The following PKHD1L1 variants were observed in gnomAD, a reference collection of about 807,000 sequenced individuals.
The protein encoded by PKHD1L1 is PKHD1 like 1.
A neutral mutation model predicts 462.9 loss-of-function variants in PKHD1L1; 434 were observed. That is an observed-to-expected ratio of 0.94 (90% CI 0.87 to 1.02). The LOEUF (loss-of-function observed/expected upper bound fraction) is 1.02, where lower values mean the gene tolerates loss of function less well. Among genes scored for constraint, PKHD1L1 ranks in the 50% least tolerant of loss-of-function variants. The probability of loss-of-function intolerance (pLI) is 0.00; values close to 1 mark genes in which losing one functional copy is unlikely to be tolerated. For synonymous variants in PKHD1L1, 1,781 were observed against 1,750.0 expected (o/e 1.02, Z -0.44); for missense variants, 5,202 against 5,096.1 (o/e 1.02, Z -0.63).
rs534041176 is a variant in PKHD1L1 at position 109,425,247 on chromosome 8, T to A, written c.2845+15T>A. On this transcript the variant is annotated intron_variant, in intron 24 of 77. Coordinates refer to ENST00000378402, the MANE Select transcript of PKHD1L1 (RefSeq NM_177531.6). ...TATTCTTAAAGGTATATGAAAAAAATTTAAAATATTGGTGTATACGCACAC... is the reference window on the plus strand; with the variant it reads ...TATTCTTAAAGGTATATGAAAAAAAATTAAAATATTGGTGTATACGCACAC... 7.7e-6 allele frequency: 12 copies of A among 1,559,352 alleles called. No individual in the cohort carries two copies. The highest frequency in any genetic ancestry group is 5.5e-5 in the African/African-American group (4 of 72,122).
At chr8:109,437,845 A>G (rs547225432) in intron 30 of PKHD1L1, among the ~76,000 whole-genome samples, 3 of 152,274 alleles carry the variant, frequency 2.0e-5, no homozygotes, top group Non-Finnish European at 2.9e-5. Context: ...CATGGATACT[A>G]TATCTGCAAA....
At chr8:109,386,785 C>T (rs908934385) in intron 6 of PKHD1L1, among the ~76,000 whole-genome samples, 2 of 152,070 alleles carry the variant, frequency 1.3e-5, no homozygotes, top group Admixed American at 6.6e-5. Flanking sequence ...GTCATCCGTT[C>T]CCATAATGAA....
intron 59 of PKHD1L1, among the ~76,000 whole-genome samples, chr8:109,487,957 G>A (rs1183349839): frequency 1.3e-5 from 2 of 151,612 alleles, no homozygotes; most frequent in Admixed American, 6.6e-5. Context: ...AGGAAGGAAG[G>A]AAGGAAGGGA....
At chr8:109,367,660 A>T (rs1046710789) in intron 2 of PKHD1L1, among the ~76,000 whole-genome samples, 1 of 152,252 alleles carries the variant, frequency 6.6e-6, no homozygotes, top group African/African-American at 2.4e-5. Flanking sequence ...AGGCAGAAGG[A>T]TCACTTGAGG....
chr8:109,505,828 C>A (rs1819659848), intron 68 of PKHD1L1, among the ~76,000 whole-genome samples: 1 of 152,114 alleles, frequency 6.6e-6, no homozygotes. Flanking sequence ...TTGCTTGAGC[C>A]CAGGAGGTTG....
chr8:109,494,287 T>A (rs1444412204), intron 63 of PKHD1L1, among the ~76,000 whole-genome samples: 2 of 151,568 alleles, frequency 1.3e-5, no homozygotes, highest in African/African-American at 4.8e-5. Flanking sequence ...TACACCTTGC[T>A]GGTTGAAGGA....
At chr8:109,443,163 T>C in intron 36 of PKHD1L1, 47 bp downstream of exon 36, 2 of 1,565,698 alleles carry the variant, frequency 1.3e-6, no homozygotes, top group Non-Finnish European at 1.8e-6. Context: ...TGACCCAGGG[T>C]GTATGTGATA....
chr8:109,482,892 C>A (rs1403690809), intron 56 of PKHD1L1, 95 bp from the exon 57 acceptor site: 2 of 722,880 alleles, frequency 2.8e-6, no homozygotes, highest in African/African-American at 1.9e-5. Flanking sequence ...TGTTTAATCA[C>A]ATAATAAAAT....
intron 14 of PKHD1L1, among the ~76,000 whole-genome samples, chr8:109,403,132 C>T (rs1269900485): frequency 6.6e-6 from 1 of 152,146 alleles, no homozygotes; most frequent in Admixed American, 6.6e-5. Context: ...AATACATCTG[C>T]TGCCTGGTAT....
chr8:109,503,695 T>A (rs1054441689), intron 67 of PKHD1L1, among the ~76,000 whole-genome samples: 4 of 152,218 alleles, frequency 2.6e-5, no homozygotes, highest in African/African-American at 9.6e-5. Context: ...TTCATTTATC[T>A]TAGCTGGATA....
intron 25 of PKHD1L1, among the ~76,000 whole-genome samples, chr8:109,427,991 C>A (rs981134242): frequency 7.5e-6 from 1 of 133,570 alleles, no homozygotes; most frequent in Non-Finnish European, 1.6e-5. Context: ...CCATTGCACT[C>A]CAGCCTGGGC....
chr8:109,389,869 G>C (rs1047324423), intron 8 of PKHD1L1, among the ~76,000 whole-genome samples: 1 of 151,948 alleles, frequency 6.6e-6, no homozygotes, highest in Non-Finnish European at 1.5e-5. Context: ...TTCTGTCTCA[G>C]GCCCTTTGCA....
chr8:109,461,860 T>G lies in PKHD1L1; in HGVS notation c.7335T>G (p.Ala2445=). 1 of 1,605,758 alleles carries G rather than the reference T, an allele frequency of 6.2e-7. No homozygotes were observed. The highest frequency in any genetic ancestry group is 8.5e-7 in the Non-Finnish European group (1 of 1,175,760). Residue 2445 remains alanine (A), a synonymous_variant, in exon 48 of 78, where the codon GCT becomes GCG. Transcript: ENST00000378402. ...DQFGGCVMFH[A]PVPGANMVTG... Reference sequence around the variant, plus strand: ...TTGGAGGCTGCGTTATGTTTCATGCTCCTGTACCTGGTGCTAACATGGTAA... The same window carrying G: ...TTGGAGGCTGCGTTATGTTTCATGCGCCTGTACCTGGTGCTAACATGGTAA...
At chr8:109,410,727 T>TTTTTTTTTTTTTTTTTTG (rs1813805577) in intron 19 of PKHD1L1, among the ~76,000 whole-genome samples, 1 of 44,110 alleles carries the variant, frequency 2.3e-5, no homozygotes, top group Non-Finnish European at 4.2e-5. Context: ...TTTCTTTTTC[T>TTTTTTTTTTTTTTTTTTG]TTTTTTTTTT....
At position 109,420,599 on chromosome 8, in the gene PKHD1L1, A is replaced by G. The variant is rs750173870; in HGVS notation, c.2606A>G (p.Asn869Ser). The G allele has an allele frequency of 6.2e-7, 1 of 1,610,096 alleles. No individual in the cohort carries two copies. Among genetic ancestry groups the G allele is most frequent in the South Asian group, 1.1e-5 (1 of 90,646 alleles). The change falls in exon 23 of 78, where the codon AAT becomes AGT. Residue 869 changes from asparagine (N) to serine (S), a missense_variant. Physicochemically the swap from Asn to Ser is conservative, Grantham distance 46 (BLOSUM62 1). Transcript: ENST00000378402. ...TTTCAGGTGAATCAGACCAAAACAAATGGGCCAACTATGACAAACCAATAT... is the reference window on the plus strand; with the variant it reads ...TTTCAGGTGAATCAGACCAAAACAAGTGGGCCAACTATGACAAACCAATAT... ...EHFQVNQTKTNGPTMTNQYSV... is the reference protein window; with the variant it reads ...EHFQVNQTKTSGPTMTNQYSV...
At chr8:109,395,441 A>G (rs1812920507) in intron 10 of PKHD1L1, among the ~76,000 whole-genome samples, 1 of 152,212 alleles carries the variant, frequency 6.6e-6, no homozygotes, top group Non-Finnish European at 1.5e-5. Context: ...CTTTTTGTGA[A>G]TCAATCAAAT....
intron 72 of PKHD1L1, 142 bp from the exon 73 acceptor site, chr8:109,518,025 T>A (rs1294429440): frequency 1.6e-6 from 1 of 626,054 alleles, no homozygotes; most frequent in Admixed American, 3.3e-5. Context: ...TTTTTGTTTT[T>A]AAAAAGGTAT....
chr8:109,399,038 A>G (rs1813118887), intron 12 of PKHD1L1, among the ~76,000 whole-genome samples: 1 of 152,126 alleles, frequency 6.6e-6, no homozygotes, highest in Non-Finnish European at 1.5e-5. Flanking sequence ...TCCTATCTAC[A>G]CTAATATCAT....
intron 1 of PKHD1L1, among the ~76,000 whole-genome samples, chr8:109,364,345 C>T (rs961508730): frequency 6.6e-6 from 1 of 152,182 alleles, no homozygotes; most frequent in Non-Finnish European, 1.5e-5. Context: ...GTGCTTTGCA[C>T]AAAGCCAGTG....
Sources: gnomAD v4.1 joint callset for allele counts (sites outside exome capture counted in the v4.1 genomes callset) on GRCh38, gnomAD v4.1.1 for gene constraint, MANE v1.5 for transcripts, NCBI Gene and HGNC (gene_info 2026-07-23, HGNC 2026-07-21) for gene names.